The following KAT6B variants were observed in gnomAD, a reference collection of about 807,000 sequenced individuals.
KAT6B encodes histone acetyltransferase KAT6B.
In KAT6B, 10 loss-of-function variants were observed where a neutral mutation model predicts 187.5. The observed-to-expected ratio is 0.05, with a 90% CI of 0.03 to 0.09. The LOEUF (loss-of-function observed/expected upper bound fraction) is 0.09. Ranked by LOEUF, KAT6B falls within the 10% of genes least tolerant of loss-of-function variation. The probability of loss-of-function intolerance (pLI) is 1.00; values close to 1 mark genes in which losing one functional copy is unlikely to be tolerated. For synonymous variants in KAT6B, 861 were observed against 926.8 expected (o/e 0.93, Z 1.29); for missense variants, 1,952 against 2,558.9 (o/e 0.76, Z 5.12).
At chr10:75,014,460 ATTT>A (rs34281337) in intron 13 of KAT6B, among the ~76,000 whole-genome samples, 2 of 151,982 alleles carry the variant, frequency 1.3e-5, no homozygotes, top group African/African-American at 4.8e-5. Context: ...AAAGTATAGG[ATTT>A]TTTTTAATTT....
chr10:74,914,258 TCA>T (rs1435756342), intron 3 of KAT6B, among the ~76,000 whole-genome samples: 2 of 152,102 alleles, frequency 1.3e-5, no homozygotes, highest in South Asian at 2.1e-4. Flanking sequence ...ACACAGTGTA[TCA>T]TTGTGCTTTT....
intron 6 of KAT6B, 58 bp from the exon 7 acceptor site, chr10:74,972,449 A>T: frequency 7.9e-7 from 1 of 1,269,586 alleles, no homozygotes; most frequent in Non-Finnish European, 1.1e-6. Flanking sequence ...ACTTATATTT[A>T]ATATCTTCTC....
At chr10:74,849,513 G>A (rs1457574291) in intron 3 of KAT6B, among the ~76,000 whole-genome samples, 2 of 151,848 alleles carry the variant, frequency 1.3e-5, no homozygotes, top group Non-Finnish European at 2.9e-5. Context: ...GGCTGGTCTC[G>A]AACTCGTGAT....
chr10:75,021,892 A>G lies in KAT6B; in HGVS notation c.3033A>G (p.Leu1011=), dbSNP rs886047242. ...CCCTCCCCACTTAGGCTGAGCGGCT[A>G]ATGGAACAAGCTAGCTGCTGGGAGA... ...EREAEKEAER[L]MEQASCWEKE... is the part of the protein sequence containing the mutation. Residue 1011 remains leucine (L), a synonymous_variant, in exon 16 of 18, where the codon CTA becomes CTG. Coordinates refer to ENST00000287239, the MANE Select transcript of KAT6B (RefSeq NM_012330.4). 3 of 1,614,050 alleles carry G rather than the reference A, an allele frequency of 1.9e-6. No individual in the cohort carries two copies. The East Asian group carries it at 6.7e-5, about 36-fold the overall frequency.
intron 3 of KAT6B, among the ~76,000 whole-genome samples, chr10:74,929,890 C>T (rs1848748714): frequency 6.6e-6 from 1 of 150,856 alleles, no homozygotes; most frequent in South Asian, 2.1e-4. Flanking sequence ...GATTGCTTTT[C>T]ACAGACTAAA....
chr10:74,852,567 G>C (rs12242230), intron 3 of KAT6B, among the ~76,000 whole-genome samples: 3,535 of 152,298 alleles, frequency 0.023, 139 homozygotes, highest in African/African-American at 0.08. Context: ...TCTCAAACTA[G>C]TTAGTTGGGT....
chr10:74,922,507 A>G (rs991163298), intron 3 of KAT6B, among the ~76,000 whole-genome samples: 2 of 152,234 alleles, frequency 1.3e-5, no homozygotes, highest in Admixed American at 1.3e-4. Context: ...TCTTTACCAG[A>G]GCATTTTAGC....
At chr10:74,970,946 C>T (rs1039767326) in intron 6 of KAT6B, among the ~76,000 whole-genome samples, 4 of 152,064 alleles carry the variant, frequency 2.6e-5, no homozygotes, top group Admixed American at 6.6e-5. Context: ...TAGTATAGAG[C>T]AGGGATTACA....
At chr10:74,859,383 C>CAT (rs1398113156) in intron 3 of KAT6B, among the ~76,000 whole-genome samples, 1 of 152,076 alleles carries the variant, frequency 6.6e-6, no homozygotes, top group African/African-American at 2.4e-5. Flanking sequence ...CTGTGCCCAG[C>CAT]ATATATCTAT....
intron 13 of KAT6B, among the ~76,000 whole-genome samples, chr10:75,019,404 A>AGATG (rs1277691803): frequency 6.6e-6 from 1 of 152,216 alleles, no homozygotes; most frequent in Non-Finnish European, 1.5e-5. Context: ...AGTGATTTTG[A>AGATG]GATGCAGGAA....
chr10:75,025,056 T>C lies in KAT6B; in HGVS notation c.3471T>C (p.Asn1157=). The part of the protein sequence containing the change: ...ETISETTEVL[N]EPFDNSDEER... The stretch of plus-strand genomic sequence containing the variant: ...TTTCAGAGACGACAGAAGTACTGAA[T>C]GAGCCCTTTGACAACTCAGATGAAG... Residue 1157 remains asparagine, a synonymous_variant, in exon 17 of 18, where the codon AAT becomes AAC. Coordinates refer to ENST00000287239, the MANE Select transcript of KAT6B (RefSeq NM_012330.4). The C allele has an allele frequency of 1.2e-6, 2 of 1,614,220 alleles. No homozygotes were observed. The highest frequency in any genetic ancestry group is 1.7e-6 in the Non-Finnish European group (2 of 1,180,042).
In KAT6B at chr10:75,008,199, C is replaced by T. The variant is rs148311632; in HGVS notation, c.2630-12383C>T. 4.8e-3 allele frequency among the ~76,000 whole-genome samples: 728 copies of T among 152,132 alleles called. 3 individuals are homozygous for T. Among genetic ancestry groups the T allele is most frequent in the Middle Eastern group, 0.037 (11 of 294 alleles). ...CAGAGAAAATATTTAACTGTGAGCC[C>T]GAGGAGAGAAAGAAGAGACACTGCA... On this transcript the variant is annotated intron_variant, in intron 13 of 17. Transcript: ENST00000287239.
At chr10:74,850,983 G>T (rs529920252) in intron 3 of KAT6B, among the ~76,000 whole-genome samples, 1 of 152,284 alleles carries the variant, frequency 6.6e-6, no homozygotes, top group Admixed American at 6.5e-5. Flanking sequence ...GACACTTTCA[G>T]TATCAAGTAG....
chr10:74,945,739 T>G (rs542846066), intron 3 of KAT6B, among the ~76,000 whole-genome samples: 6 of 152,176 alleles, frequency 3.9e-5, no homozygotes, highest in African/African-American at 1.4e-4. Flanking sequence ...CATGAGCCAC[T>G]GTGCCCGCCG....
chr10:75,013,010 GA>G (rs886168589), intron 13 of KAT6B, among the ~76,000 whole-genome samples: 1 of 152,132 alleles, frequency 6.6e-6, no homozygotes, highest in African/African-American at 2.4e-5. Context: ...AGAGAAGAGA[GA>G]TCTAAGAGTG....
At chr10:74,920,897 G>A (rs529809451) in intron 3 of KAT6B, among the ~76,000 whole-genome samples, 3 of 152,202 alleles carry the variant, frequency 2.0e-5, no homozygotes, top group South Asian at 4.2e-4. Context: ...GAAACCCTGG[G>A]CATAAAATGG....
At chr10:74,981,295 C>CTT in intron 10 of KAT6B, among the ~76,000 whole-genome samples, 1 of 145,142 alleles carries the variant, frequency 6.9e-6, no homozygotes, top group African/African-American at 2.6e-5. Flanking sequence ...GGCTGGCTTT[C>CTT]TTTCTTTCTT....
chr10:74,894,231 G>A (rs1324996150), intron 3 of KAT6B, among the ~76,000 whole-genome samples: 2 of 151,936 alleles, frequency 1.3e-5, no homozygotes, highest in African/African-American at 4.8e-5. Context: ...ATAGGCATGA[G>A]CCACCACGCC....
intron 9 of KAT6B, among the ~76,000 whole-genome samples, chr10:74,978,083 G>T (rs1842275101): frequency 6.6e-6 from 1 of 152,126 alleles, no homozygotes; most frequent in Non-Finnish European, 1.5e-5. Flanking sequence ...TGACCAGTGT[G>T]GTCAGGTAGA....
Sources: gnomAD v4.1 joint callset for allele counts (sites outside exome capture counted in the v4.1 genomes callset) on GRCh38, gnomAD v4.1.1 for gene constraint, MANE v1.5 for transcripts, NCBI Gene and HGNC (gene_info 2026-07-23, HGNC 2026-07-21) for gene names.